The following IMMP1L variants were observed in gnomAD, a reference collection of about 807,000 sequenced individuals.
IMMP1L encodes mitochondrial inner membrane protease subunit 1.
IMMP1L carries 24 observed loss-of-function variants against 21.8 expected under a neutral mutation model. The ratio of observed to expected loss-of-function variants is 1.10; its 90% CI spans 0.80 to 1.55. The LOEUF (loss-of-function observed/expected upper bound fraction) is 1.55. Among genes scored for constraint, IMMP1L ranks in the 40% most tolerant of loss-of-function variants. The probability of loss-of-function intolerance (pLI) is 0.00; values close to 1 mark genes in which losing one functional copy is unlikely to be tolerated. For missense variants in IMMP1L, 195 were observed against 200.7 expected, an observed-to-expected ratio of 0.97 and a Z score of 0.17; for synonymous variants, 46 against 62.8, an observed-to-expected ratio of 0.73 and a Z score of 1.26.
At chr11:31,441,389 A>G (rs1300515022) in intron 4 of IMMP1L, among the ~76,000 whole-genome samples, 1 of 149,880 alleles carries the variant, frequency 6.7e-6, no homozygotes, top group Non-Finnish European at 1.5e-5. Flanking sequence ...TAATCCATAT[A>G]GTAGGATATG....
At chr11:31,501,205 A>G (rs1302469699) in intron 1 of IMMP1L, among the ~76,000 whole-genome samples, 2 of 152,180 alleles carry the variant, frequency 1.3e-5, no homozygotes, top group Admixed American at 6.5e-5. Context: ...CTGCATTTTA[A>G]TTACTGCTTT....
intron 5 of IMMP1L, among the ~76,000 whole-genome samples, chr11:31,433,211 G>A (rs1952980251): frequency 1.3e-5 from 2 of 152,202 alleles, no homozygotes; most frequent in South Asian, 4.2e-4. Context: ...CTGAACTTTT[G>A]GAAATTCAAA....
At chr11:31,496,867 T>C (rs1226114842) in intron 1 of IMMP1L, among the ~76,000 whole-genome samples, 2 of 148,018 alleles carry the variant, frequency 1.4e-5, no homozygotes, top group Non-Finnish European at 3.0e-5. Flanking sequence ...TATTATATAA[T>C]CTTATATATA....
intron 1 of IMMP1L, among the ~76,000 whole-genome samples, chr11:31,499,297 G>A (rs1011456854): frequency 2.0e-5 from 3 of 152,032 alleles, no homozygotes; most frequent in South Asian, 2.1e-4. Context: ...CCCGGGACGC[G>A]GAGCTTGCAG....
chr11:31,476,703 C>T (rs1954742236), intron 1 of IMMP1L, among the ~76,000 whole-genome samples: 1 of 152,012 alleles, frequency 6.6e-6, no homozygotes, highest in Non-Finnish European at 1.5e-5. Context: ...ACTCTAAGAT[C>T]ATAACACTGA....
intron 1 of IMMP1L, among the ~76,000 whole-genome samples, chr11:31,508,308 T>C (rs1020847458): frequency 1.3e-5 from 2 of 152,236 alleles, no homozygotes; most frequent in African/African-American, 4.8e-5. Flanking sequence ...TATGTTGTTT[T>C]CTATGTGTTA....
At chr11:31,496,277 C>T (rs969978537) in intron 1 of IMMP1L, among the ~76,000 whole-genome samples, 4 of 152,146 alleles carry the variant, frequency 2.6e-5, no homozygotes, top group African/African-American at 7.2e-5. Flanking sequence ...AATAAGATAT[C>T]ACATCATATG....
chr11:31,439,501 T>A (rs1404994018), intron 4 of IMMP1L, among the ~76,000 whole-genome samples: 1 of 152,220 alleles, frequency 6.6e-6, no homozygotes. Context: ...TTTAGAGTGC[T>A]TCTCTGCTAA....
chr11:31,445,079 T>C (rs1953469710), intron 4 of IMMP1L, among the ~76,000 whole-genome samples: 1 of 152,254 alleles, frequency 6.6e-6, no homozygotes, highest in South Asian at 2.1e-4. Flanking sequence ...TCTAAGACTA[T>C]CTCTGCACTT....
chr11:31,497,460 C>CTTTTTT (rs796666845), intron 1 of IMMP1L, among the ~76,000 whole-genome samples: 10 of 123,982 alleles, frequency 8.1e-5, no homozygotes, highest in Non-Finnish European at 1.0e-4. Context: ...TATTTCTTTT[C>CTTTTTT]TTTTTTTTTT....
chr11:31,501,173 G>A (rs1193642592), intron 1 of IMMP1L, among the ~76,000 whole-genome samples: 1 of 152,090 alleles, frequency 6.6e-6, no homozygotes, highest in Non-Finnish European at 1.5e-5. Flanking sequence ...GTTCATCTGG[G>A]TATTACAATA....
chr11:31,488,308 G>C (rs1210487687), intron 1 of IMMP1L: 2 of 152,110 alleles, frequency 1.3e-5, no homozygotes, highest in African/African-American at 4.8e-5. Flanking sequence ...TGAATTAGTA[G>C]TCTATACTAT....
intron 4 of IMMP1L, among the ~76,000 whole-genome samples, chr11:31,450,836 A>G (rs1953731135): frequency 6.6e-6 from 1 of 152,186 alleles, no homozygotes; most frequent in South Asian, 2.1e-4. Flanking sequence ...ATATATATCT[A>G]GATCTGTCCA....
chr11:31,493,395 G>A (rs990765318), intron 1 of IMMP1L, among the ~76,000 whole-genome samples: 1 of 152,150 alleles, frequency 6.6e-6, no homozygotes, highest in South Asian at 2.1e-4. Flanking sequence ...ACTATCACTA[G>A]AACAGTATGG....
intron 2 of IMMP1L, among the ~76,000 whole-genome samples, chr11:31,462,545 A>G (rs567948461): frequency 2.6e-4 from 39 of 152,286 alleles, no homozygotes; most frequent in African/African-American, 9.4e-4. Context: ...TCCCAATATA[A>G]TATTAAGAAA....
chr11:31,485,132 CTTAAATGTTT>C (rs1178600346), intron 1 of IMMP1L, among the ~76,000 whole-genome samples: 1 of 151,782 alleles, frequency 6.6e-6, no homozygotes, highest in Non-Finnish European at 1.5e-5. Context: ...TCCTAAACCA[CTTAAATGTTT>C]TCATGAAGTC....
chr11:31,498,155 A>T (rs1358858883), intron 1 of IMMP1L, among the ~76,000 whole-genome samples: 1 of 152,222 alleles, frequency 6.6e-6, no homozygotes, highest in Non-Finnish European at 1.5e-5. Context: ...TACCAAATGG[A>T]CTATAAAATT....
At chr11:31,499,644 C>A (rs1163963112) in intron 1 of IMMP1L, among the ~76,000 whole-genome samples, 1 of 152,108 alleles carries the variant, frequency 6.6e-6, no homozygotes, top group East Asian at 1.9e-4. Context: ...AAAGCAGCAG[C>A]ATATTTTTTA....
In IMMP1L at chr11:31,494,759, C is replaced by CT. The variant is rs1300772746; in HGVS notation, c.-30+14759_-30+14760insA. 4.6e-5 allele frequency among the ~76,000 whole-genome samples: 7 copies of CT among 152,232 alleles called. No homozygotes were observed. In the South Asian group the frequency reaches 1.5e-3, roughly 32 times the overall value. On this transcript the variant is annotated intron_variant, in intron 1 of 5. Coordinates refer to ENST00000532287, the MANE Select transcript of IMMP1L (RefSeq NM_001304274.2). ...CGGATTTACTTACGCCATTCTCCTG[C>CT]CTAAGCCTCCCAAGTAGCTGGGACT...
Sources: gnomAD v4.1 joint callset for allele counts (sites outside exome capture counted in the v4.1 genomes callset) on GRCh38, gnomAD v4.1.1 for gene constraint, MANE v1.5 for transcripts, NCBI Gene and HGNC (gene_info 2026-07-23, HGNC 2026-07-21) for gene names.